The following TMEM43 variants were observed in gnomAD, a reference collection of about 807,000 sequenced individuals.
The protein encoded by TMEM43 is arrhythmogenic right ventricular dysplasia 5.
TMEM43 carries 45 observed loss-of-function variants against 49.6 expected under a neutral mutation model. That is an observed-to-expected ratio of 0.91 (90% CI 0.71 to 1.16). The LOEUF (loss-of-function observed/expected upper bound fraction) is 1.16. Ranked by LOEUF, TMEM43 falls within the 50% of genes most tolerant of loss-of-function variation. TMEM43 has a pLI of 0.00. For synonymous variants in TMEM43, 199 were observed against 207.8 expected (o/e 0.96, Z 0.36); for missense variants, 532 against 516.6 (o/e 1.03, Z -0.29).
chr3:14,137,783 C>A (rs1233214427), intron 10 of TMEM43: 1 of 152,240 alleles, frequency 6.6e-6, no homozygotes, highest in African/African-American at 2.4e-5. Flanking sequence ...ATAGTCACAT[C>A]ATCCCTAACT....
intron 10 of TMEM43, among the ~76,000 whole-genome samples, chr3:14,138,436 T>C (rs1332260520): frequency 6.6e-6 from 1 of 151,928 alleles, no homozygotes; most frequent in Non-Finnish European, 1.5e-5. Flanking sequence ...TGGCCTGGAC[T>C]GGATGGGGTG....
intron 2 of TMEM43, among the ~76,000 whole-genome samples, chr3:14,130,378 G>C (rs968636793): frequency 6.6e-6 from 1 of 152,130 alleles, no homozygotes; most frequent in Non-Finnish European, 1.5e-5. Context: ...GCTCAAGCCT[G>C]TAACCCCAGC....
At position 14,139,144 on chromosome 3, in the gene TMEM43, C is replaced by T. The variant is rs200321139; in HGVS notation, c.883-36C>T. 16 of 1,513,592 alleles carry T rather than the reference C, an allele frequency of 1.1e-5. No homozygotes were observed. In the East Asian group the frequency reaches 2.9e-4, roughly 28 times the overall value. 93.8% of individuals were successfully genotyped at this position (1,513,592 alleles called of 1,614,324 possible). A position where few individuals can be genotyped will look rare whatever the true frequency, so the allele number is the denominator to read the frequency against. On this transcript the variant is annotated intron_variant, in intron 10 of 11. Coordinates refer to ENST00000306077, the MANE Select transcript of TMEM43 (RefSeq NM_024334.3). ...CTGCCGACTGGGTACGCCACTGGCC[C>T]TCAGCATCCTGACCTGCCCCCACCT...
At position 14,141,930 on chromosome 3, in the gene TMEM43, C is replaced by G; in HGVS notation, c.*135C>G. ...TGCACTCCCTCTCCTCTTCAGGGGC[C>G]AGACTTGGCAGCATGTGCACCAGGT... is the stretch of plus-strand genomic sequence containing the variant. On this transcript the variant is annotated 3_prime_UTR_variant, in exon 12 of 12. Coordinates refer to ENST00000306077, the MANE Select transcript of TMEM43 (RefSeq NM_024334.3). 1 of 811,786 alleles carries G rather than the reference C, an allele frequency of 1.2e-6. No individual in the cohort carries two copies. Among genetic ancestry groups the G allele is most frequent in the Non-Finnish European group, 1.9e-6 (1 of 523,242 alleles). 50.3% of individuals were successfully genotyped at this position (811,786 alleles called of 1,614,324 possible).
chr3:14,129,307 T>TA lies in TMEM43; in HGVS notation c.13-78dup, dbSNP rs10648308. 34,357 of 375,826 alleles carry TA rather than the reference T, an allele frequency of 0.091. 1,492 individuals are homozygous for TA. Among genetic ancestry groups the TA allele is most frequent in the East Asian group, 0.14 (1,939 of 13,416 alleles). The allele number at this position is 375,826 out of a possible 1,614,324, so 23.3% of individuals were successfully genotyped here. On this transcript the variant is annotated intron_variant, in intron 1 of 11. Coordinates refer to ENST00000306077, the MANE Select transcript of TMEM43 (RefSeq NM_024334.3). ...TGTTTTTACCACATACAGTTAAAAC[T>TA]AAAAAAAAAAAAAAAAAAAAAAAAA...
rs1379875832 is a variant in TMEM43 at position 14,143,180 on chromosome 3, ATTCT to A, written c.*1388_*1391del. 6.6e-6 allele frequency: 1 copy of A among 152,208 alleles called. No homozygotes were observed. The highest frequency in any genetic ancestry group is 2.4e-5 in the African/African-American group (1 of 41,440). The allele number at this position is 152,208 out of a possible 1,614,324, so 9.4% of individuals were successfully genotyped here. ...TGTTGTAACCAGGATGTCTTAAATGATTCTTTGTGTACCTTTTCTGTCATATTCA... is the reference window on the plus strand; with the variant it reads ...TGTTGTAACCAGGATGTCTTAAATGATTGTGTACCTTTTCTGTCATATTCA... On this transcript the variant is annotated 3_prime_UTR_variant, in exon 12 of 12. Transcript: ENST00000306077.
At position 14,129,420 on chromosome 3, in the gene TMEM43, T is replaced by G. The variant is rs371236613; in HGVS notation, c.21T>G (p.Ser7Arg). ...TGTTTCTTTTTCTTCAGTATTCCAG[T>G]ACCAGTACCCGGAGAGAACATGTCA... is the stretch of plus-strand genomic sequence containing the variant. MAANYS[S>R]TSTRREHVKV... Residue 7 changes from serine to arginine, a missense_variant, in exon 2 of 12, where the codon AGT becomes AGG. Transcript: ENST00000306077. 1.2e-6 allele frequency: 2 copies of G among 1,613,242 alleles called. No homozygotes were observed. Among genetic ancestry groups the G allele is most frequent in the Non-Finnish European group, 1.7e-6 (2 of 1,179,608 alleles).
At chr3:14,131,549 AT>A (rs1316562890) in intron 3 of TMEM43, 30 bp from the exon 4 acceptor site, 10 of 1,594,078 alleles carry the variant, frequency 6.3e-6, no homozygotes, top group Middle Eastern at 1.7e-4. Context: ...GTTATCCTTT[AT>A]TTTTTTGGTT....
intron 1 of TMEM43, chr3:14,128,803 G>T (rs998038897): frequency 9.3e-6 from 3 of 323,642 alleles, no homozygotes; most frequent in African/African-American, 6.6e-5. Context: ...GAAAGCACAT[G>T]TCTGCATAAA....
Position 14,132,547 on chromosome 3 carries a change from G to T in TMEM43, c.394G>T (p.Glu132Ter), listed in dbSNP as rs1315939046. Residue 132 changes from glutamate (E) to a stop codon, truncating the protein, a stop_gained and splice_region_variant, in exon 5 of 12, where the codon GAG becomes TAG. Transcript: ENST00000306077. LOFTEE classifies it high-confidence loss of function. ...YQWVETEESR[E>*]YTEDGQVKKE... is the part of the protein sequence containing the mutation. ...GTGGCTGCTTTGCTTTCCCTGCAGG[G>T]AGTACACCGAGGATGGGCAGGTGAA... 1 of 1,614,176 alleles carries T rather than the reference G, an allele frequency of 6.2e-7. No individual in the cohort carries two copies. The highest frequency in any genetic ancestry group is 8.5e-7 in the Non-Finnish European group (1 of 1,180,032).
chr3:14,135,854 C>T lies in TMEM43; in HGVS notation c.828C>T (p.Ser276=), dbSNP rs764861989. ...GGGGTGACCAGCTAGTCCCATTCTC[C>T]ACCAAGTCTGGGGATACCTTACTGC... ...RQRGDQLVPF[S]TKSGDTLLLL... Residue 276 remains serine (S), a synonymous_variant, in exon 10 of 12, where the codon TCC becomes TCT. Coordinates refer to ENST00000306077, the MANE Select transcript of TMEM43 (RefSeq NM_024334.3). 1.2e-6 allele frequency: 2 copies of T among 1,614,172 alleles called. No homozygotes were observed. The highest frequency in any genetic ancestry group is 1.7e-6 in the Non-Finnish European group (2 of 1,180,046).
At chr3:14,135,075 A>G in intron 8 of TMEM43, 83 bp from the exon 9 acceptor site, 1 of 1,493,500 alleles carries the variant, frequency 6.7e-7, no homozygotes. Flanking sequence ...GAAGAGCCTG[A>G]GGGGCGTAGC....
intron 8 of TMEM43, 114 bp downstream of exon 8, chr3:14,135,005 G>A: frequency 6.4e-7 from 1 of 1,550,946 alleles, no homozygotes; most frequent in Non-Finnish European, 8.9e-7. Flanking sequence ...GCCAAGTGCA[G>A]CTGAGTGGGA....
rs184223182 is a variant in TMEM43 at position 14,142,355 on chromosome 3, G to A, written c.*560G>A. The A allele has an allele frequency of 2.5e-4, 40 of 162,194 alleles. 1 individual carries two copies. In the East Asian group the frequency reaches 6.9e-3, roughly 28 times the overall value. The allele number at this position is 162,194 out of a possible 1,614,324, so 10.0% of individuals were successfully genotyped here. ...CAAGTCTGTGGCTAGAACCTGATGT[G>A]GTGTTTAAAAGAGAAGAAACACTGA... On this transcript the variant is annotated 3_prime_UTR_variant, in exon 12 of 12. Transcript: ENST00000306077.
intron 7 of TMEM43, 70 bp from the exon 8 acceptor site, chr3:14,134,700 A>C: frequency 6.2e-7 from 1 of 1,608,190 alleles, no homozygotes; most frequent in Non-Finnish European, 8.5e-7. Context: ...GAAGGGGGTC[A>C]GGCCAGGGAC....
intron 1 of TMEM43, among the ~76,000 whole-genome samples, chr3:14,127,992 G>T (rs941513762): frequency 1.3e-5 from 2 of 152,100 alleles, no homozygotes; most frequent in African/African-American, 4.8e-5. Context: ...GGGAAATCTG[G>T]TAACATTTCT....
chr3:14,128,893 G>C, intron 1 of TMEM43: 1 of 450,860 alleles, frequency 2.2e-6, no homozygotes, highest in Non-Finnish European at 4.4e-6. Flanking sequence ...ATCCACTGAC[G>C]AATGATTCAG....
Position 14,129,431 on chromosome 3 carries a change from G to A in TMEM43, c.32G>A (p.Arg11Gln), listed in dbSNP as rs568179990. 2.3e-5 allele frequency: 37 copies of A among 1,613,476 alleles called. No homozygotes were observed. The highest frequency in any genetic ancestry group is 1.6e-4 in the Middle Eastern group (1 of 6,062). MAANYSSTST[R>Q]REHVKVKTSS... The stretch of plus-strand genomic sequence containing the variant: ...CTTCAGTATTCCAGTACCAGTACCC[G>A]GAGAGAACATGTCAAAGTTAAAACC... Residue 11 changes from arginine to glutamine, a missense_variant, in exon 2 of 12, where the codon CGG becomes CAG. Arg to Gln is a conservative substitution (Grantham distance 43). Transcript: ENST00000306077.
rs1423539317 is a variant in TMEM43, at chr3:14,132,869, C to CT, written c.447dup (p.Glu150Ter). The CT allele has an allele frequency of 2.2e-5, 35 of 1,613,956 alleles. No individual in the cohort carries two copies. The highest frequency in any genetic ancestry group is 2.8e-5 in the Non-Finnish European group (33 of 1,179,974). ...GTTGATTCCTCTCCCTGAGCAGACA[C>CT]TGAATGGAGGTCAGAAATCATCAAC... On this transcript the variant is annotated frameshift_variant, in exon 6 of 12. Transcript: ENST00000306077. LOFTEE classifies it high-confidence loss of function.
Sources: gnomAD v4.1 joint callset for allele counts (sites outside exome capture counted in the v4.1 genomes callset) on GRCh38, gnomAD v4.1.1 for gene constraint, MANE v1.5 for transcripts, NCBI Gene and HGNC (gene_info 2026-07-23, HGNC 2026-07-21) for gene names.